Variants in PAK1 observed in about 807,000 individuals in gnomAD.
PAK1 encodes p21 (RAC1) activated kinase 1.
A neutral mutation model predicts 67.4 loss-of-function variants in PAK1; 29 were observed. The observed-to-expected ratio is 0.43, with a 90% CI of 0.32 to 0.59. The LOEUF (loss-of-function observed/expected upper bound fraction) is 0.59. PAK1 is among the 20% of genes least tolerant of loss of function. The pLI is 0.07. For synonymous variants in PAK1, 223 were observed against 237.4 expected (o/e 0.94, Z 0.56); for missense variants, 337 against 670.7 (o/e 0.50, Z 5.50).
upstream of PAK1, chr11:77,476,991 A>T (rs1198753638): frequency 6.6e-6 from 1 of 152,162 alleles, no homozygotes; most frequent in Non-Finnish European, 1.5e-5. Context: ...CAAAAAATAA[A>T]ATAAAAAAAT....
chr11:77,351,106 A>AGC (rs1193501951), intron 8 of PAK1, among the ~76,000 whole-genome samples: 70 of 152,182 alleles, frequency 4.6e-4, no homozygotes, highest in Non-Finnish European at 9.8e-4. Context: ...AGGAGAAATA[A>AGC]AAGCAAGCAA....
At chr11:77,501,739 T>C in the PAK1 span, among the ~76,000 whole-genome samples, 1 of 152,092 alleles carries the variant, frequency 6.6e-6, no homozygotes, top group Non-Finnish European at 1.5e-5. Flanking sequence ...TGAATCAAGA[T>C]AAAGAAAAAC....
chr11:77,408,381 T>C (rs1219691670), intron 1 of PAK1: 8 of 151,932 alleles, frequency 5.3e-5, no homozygotes, highest in Admixed American at 5.3e-4. Flanking sequence ...TACGTACCAT[T>C]GCACTCTAGC....
At chr11:77,522,511 C>A in the PAK1 span, among the ~76,000 whole-genome samples, 4 of 152,152 alleles carry the variant, frequency 2.6e-5, no homozygotes, top group African/African-American at 9.7e-5. Flanking sequence ...CAGATCAAAA[C>A]CACAATGAGA....
At chr11:77,454,329 A>C (rs1056623620) in intron 1 of PAK1, among the ~76,000 whole-genome samples, 1 of 152,050 alleles carries the variant, frequency 6.6e-6, no homozygotes, top group Non-Finnish European at 1.5e-5. Flanking sequence ...ATTATAACCT[A>C]TCTCCTTCAT....
At chr11:77,390,663 C>CTTTTTTT (rs56816970) in intron 2 of PAK1, among the ~76,000 whole-genome samples, 1 of 132,768 alleles carries the variant, frequency 7.5e-6, no homozygotes, top group African/African-American at 2.8e-5. Flanking sequence ...TGCCCGACTC[C>CTTTTTTT]TTTTTTTTTT....
At chr11:77,351,182 G>A (rs1945191268) in intron 8 of PAK1, among the ~76,000 whole-genome samples, 1 of 152,014 alleles carries the variant, frequency 6.6e-6, no homozygotes, top group Non-Finnish European at 1.5e-5. Context: ...ATGCAATGTG[G>A]AAACATCAGC....
chr11:77,384,071 T>C (rs1303381706), intron 2 of PAK1, among the ~76,000 whole-genome samples: 1 of 152,150 alleles, frequency 6.6e-6, no homozygotes, highest in Non-Finnish European at 1.5e-5. Flanking sequence ...AGATAATACC[T>C]GAAAGAAGTC....
At chr11:77,501,640 T>A in the PAK1 span, among the ~76,000 whole-genome samples, 1 of 152,072 alleles carries the variant, frequency 6.6e-6, no homozygotes, top group African/African-American at 2.4e-5. Flanking sequence ...GTTTGGTGAG[T>A]GAAAGACTCT....
chr11:77,444,272 A>C (rs1956491824), intron 1 of PAK1, among the ~76,000 whole-genome samples: 1 of 149,112 alleles, frequency 6.7e-6, no homozygotes. Context: ...CAGGTACGTA[A>C]ACCTGGAGAG....
chr11:77,350,158 C>G lies in PAK1; in HGVS notation c.837-871G>C, dbSNP rs554675091. On this transcript the variant is annotated intron_variant, in intron 8 of 14. Transcript: ENST00000356341. Reference sequence around the variant, plus strand: ...TCCTTTAAAATAAAATAATGGTTTTCAATCATTTATTCCATCAACAGGATA... The same window carrying G: ...TCCTTTAAAATAAAATAATGGTTTTGAATCATTTATTCCATCAACAGGATA... Among the ~76,000 whole-genome samples, 166 of 152,112 alleles carry G rather than the reference C, an allele frequency of 1.1e-3. 2 individuals carry two copies. The highest frequency in any genetic ancestry group is 2.2e-4 in the Non-Finnish European group (15 of 68,028).
the PAK1 span, among the ~76,000 whole-genome samples, chr11:77,524,462 C>T: frequency 2.6e-5 from 4 of 152,200 alleles, no homozygotes; most frequent in Non-Finnish European, 4.4e-5. Context: ...CTACCTGGAC[C>T]GCCTTTCTCC....
At chr11:77,496,239 G>A in the PAK1 span, among the ~76,000 whole-genome samples, 1 of 151,772 alleles carries the variant, frequency 6.6e-6, no homozygotes, top group Non-Finnish European at 1.5e-5. Flanking sequence ...GGATGGTCTC[G>A]ATCTCTTGAC....
intron 2 of PAK1, among the ~76,000 whole-genome samples, chr11:77,386,104 C>G (rs527974038): frequency 1.3e-5 from 2 of 152,244 alleles, no homozygotes; most frequent in South Asian, 4.1e-4. Flanking sequence ...AACTTTAACC[C>G]TATCTTTGAC....
chr11:77,496,967 G>T, the PAK1 span, among the ~76,000 whole-genome samples: 1 of 152,198 alleles, frequency 6.6e-6, no homozygotes, highest in African/African-American at 2.4e-5. Flanking sequence ...TGAAATGGGT[G>T]ATTTGAACCC....
intron 11 of PAK1, among the ~76,000 whole-genome samples, chr11:77,339,069 G>T (rs1943177506): frequency 6.6e-6 from 1 of 152,058 alleles, no homozygotes; most frequent in Non-Finnish European, 1.5e-5. Flanking sequence ...CTAAATGGGT[G>T]AATTATATCT....
chr11:77,322,201 C>T lies in PAK1; in HGVS notation c.*1073G>A. On this transcript the variant is annotated 3_prime_UTR_variant, in exon 15 of 15. Coordinates refer to ENST00000356341, the MANE Select transcript of PAK1 (RefSeq NM_002576.5). ...CAGGAGGTAGCAAACATCCCCAACA[C>T]CCAGTGTAAGCATTTCCATTTGCAG... 1 of 203,158 alleles carries T rather than the reference C, an allele frequency of 4.9e-6. No individual in the cohort carries two copies. The highest frequency in any genetic ancestry group is 1.0e-5 in the Non-Finnish European group (1 of 98,436). 12.6% of individuals were successfully genotyped at this position (203,158 alleles called of 1,614,324 possible). A position where few individuals can be genotyped will look rare whatever the true frequency, so the allele number is the denominator to read the frequency against.
intron 10 of PAK1, among the ~76,000 whole-genome samples, chr11:77,343,145 C>T (rs1366126859): frequency 1.3e-5 from 2 of 151,766 alleles, no homozygotes; most frequent in Non-Finnish European, 2.9e-5. Context: ...TATACAACCA[C>T]TATTACTATT....
At chr11:77,382,989 T>A (rs966965036) in intron 2 of PAK1, among the ~76,000 whole-genome samples, 1 of 152,102 alleles carries the variant, frequency 6.6e-6, no homozygotes, top group Admixed American at 6.6e-5. Context: ...AGAGTGAGGC[T>A]GTGTCTCAAA....
Sources: allele counts gnomAD v4.1 joint callset (sites outside exome capture counted in the v4.1 genomes callset), GRCh38; gene constraint gnomAD v4.1.1; transcripts MANE v1.5; gene names NCBI Gene and HGNC (gene_info 2026-07-23, HGNC 2026-07-21).